Variants in TMEM132B observed in about 807,000 individuals in gnomAD.
TMEM132B encodes the protein transmembrane protein 132B.
TMEM132B carries 18 observed loss-of-function variants against 90.8 expected under a neutral mutation model. The observed-to-expected ratio is 0.20, with a 90% CI of 0.14 to 0.29. TMEM132B has a LOEUF of 0.29. Ranked by LOEUF, TMEM132B falls within the 10% of genes least tolerant of loss-of-function variation. TMEM132B has a pLI of 1.00. For synonymous variants in TMEM132B, 504 were observed against 523.3 expected (o/e 0.96, Z 0.50); for missense variants, 1,096 against 1,326.8 (o/e 0.83, Z 2.70).
At chr12:125,638,810 A>C (rs1193124432) in intron 5 of TMEM132B, among the ~76,000 whole-genome samples, 1 of 152,226 alleles carries the variant, frequency 6.6e-6, no homozygotes, top group Non-Finnish European at 1.5e-5. Flanking sequence ...AAGATACCCA[A>C]AGGAAACATA....
At chr12:125,489,885 G>A (rs1392749494) in intron 3 of TMEM132B, among the ~76,000 whole-genome samples, 2 of 152,172 alleles carry the variant, frequency 1.3e-5, no homozygotes, top group African/African-American at 2.4e-5. Context: ...GTTGGTTCTG[G>A]AACCTTCAGA....
intron 1 of TMEM132B, among the ~76,000 whole-genome samples, chr12:125,299,833 C>T (rs745815572): frequency 8.5e-5 from 13 of 152,212 alleles, no homozygotes; most frequent in African/African-American, 1.9e-4. Flanking sequence ...TCTCCTGGAC[C>T]GGCCTGCGTC....
At chr12:125,294,944 A>G (rs960488303) in intron 1 of TMEM132B, among the ~76,000 whole-genome samples, 1 of 152,246 alleles carries the variant, frequency 6.6e-6, no homozygotes, top group African/African-American at 2.4e-5. Flanking sequence ...TATTGAAACT[A>G]TGCATAAAGA....
At chr12:125,533,796 C>G (rs544724759) in intron 4 of TMEM132B, among the ~76,000 whole-genome samples, 1 of 152,342 alleles carries the variant, frequency 6.6e-6, no homozygotes, top group Middle Eastern at 3.4e-3. Flanking sequence ...TCCTGCAGCC[C>G]GAGCCAGCGC....
chr12:125,242,237 A>G (rs572483797), intron 1 of TMEM132B, among the ~76,000 whole-genome samples: 3 of 152,124 alleles, frequency 2.0e-5, no homozygotes, highest in South Asian at 4.2e-4. Flanking sequence ...TGTAGCCTCA[A>G]CCTCCTGGGC....
chr12:125,228,195 C>A (rs1322864042), intron 1 of TMEM132B, among the ~76,000 whole-genome samples: 2 of 152,102 alleles, frequency 1.3e-5, no homozygotes, highest in Non-Finnish European at 2.9e-5. Flanking sequence ...TTCCGCCTCT[C>A]GGTTTCCGAG....
chr12:125,568,032 C>G (rs186581392), intron 4 of TMEM132B, among the ~76,000 whole-genome samples: 1 of 152,184 alleles, frequency 6.6e-6, no homozygotes, highest in Non-Finnish European at 1.5e-5. Flanking sequence ...CTGACCCTCT[C>G]ATTGTGTCTA....
chr12:125,290,098 G>A (rs1031427771), intron 1 of TMEM132B, among the ~76,000 whole-genome samples: 3 of 152,078 alleles, frequency 2.0e-5, no homozygotes, highest in Non-Finnish European at 4.4e-5. Flanking sequence ...CTACAAAGTC[G>A]GTATGTTTTA....
At chr12:125,353,520 CTT>C (rs1877665193) in intron 2 of TMEM132B, among the ~76,000 whole-genome samples, 1 of 152,230 alleles carries the variant, frequency 6.6e-6, no homozygotes, top group African/African-American at 2.4e-5. Flanking sequence ...TTCATTGAGA[CTT>C]AGAATGGTTC....
At chr12:125,581,714 A>ATT (rs35702958) in intron 4 of TMEM132B, among the ~76,000 whole-genome samples, 64 of 146,812 alleles carry the variant, frequency 4.4e-4, no homozygotes, top group East Asian at 9.9e-4. Flanking sequence ...ACCTGTACTG[A>ATT]TTTTTTTTTT....
intron 5 of TMEM132B, among the ~76,000 whole-genome samples, chr12:125,626,581 G>A (rs1566093373): frequency 1.3e-5 from 2 of 152,020 alleles, no homozygotes; most frequent in African/African-American, 2.4e-5. Context: ...GAACTATAGG[G>A]CAATAGTTAT....
intron 5 of TMEM132B, among the ~76,000 whole-genome samples, chr12:125,627,492 T>A (rs889379382): frequency 6.6e-6 from 1 of 152,106 alleles, no homozygotes; most frequent in African/African-American, 2.4e-5. Flanking sequence ...TCTGTTAATA[T>A]AGTCAGAAGT....
At chr12:125,641,795 G>A (rs559235025) in intron 5 of TMEM132B, among the ~76,000 whole-genome samples, 1 of 152,284 alleles carries the variant, frequency 6.6e-6, no homozygotes, top group African/African-American at 2.4e-5. Flanking sequence ...GTGATTTGAT[G>A]TGTGATTGGG....
intron 5 of TMEM132B, among the ~76,000 whole-genome samples, chr12:125,616,027 T>A (rs997199182): frequency 1.3e-5 from 2 of 152,126 alleles, no homozygotes; most frequent in African/African-American, 4.8e-5. Context: ...CATGCTGGTG[T>A]GCTGCATCCA....
chr12:125,593,054 T>C (rs1885355000), intron 5 of TMEM132B, among the ~76,000 whole-genome samples: 2 of 152,248 alleles, frequency 1.3e-5, no homozygotes, highest in African/African-American at 2.4e-5. Context: ...CAAAAATTTA[T>C]GTAAAAACAC....
chr12:125,354,854 G>A (rs1253750329), intron 2 of TMEM132B, among the ~76,000 whole-genome samples: 1 of 152,134 alleles, frequency 6.6e-6, no homozygotes, highest in Non-Finnish European at 1.5e-5. Flanking sequence ...CTTGTCCCAG[G>A]TTCTGCATTT....
At chr12:125,292,037 C>T (rs1875555162) in intron 1 of TMEM132B, among the ~76,000 whole-genome samples, 1 of 152,226 alleles carries the variant, frequency 6.6e-6, no homozygotes, top group South Asian at 2.1e-4. Flanking sequence ...AGAGTAGTCT[C>T]ACTCATTTGC....
At chr12:125,554,956 G>A (rs1427362466) in intron 4 of TMEM132B, among the ~76,000 whole-genome samples, 29 of 152,180 alleles carry the variant, frequency 1.9e-4, no homozygotes, top group Admixed American at 1.9e-3. Context: ...TGGGGGACAA[G>A]GAGGCAACAC....
In TMEM132B at chr12:125,580,084, ACTTC is replaced by A. The variant is rs1306362073; in HGVS notation, c.1294-3762_1294-3759del. On this transcript the variant is annotated intron_variant, in intron 4 of 8. Transcript: ENST00000682704. ...ATACCTGACACCTGCCTTAGCTTTC[ACTTC>A]CTTCTTCCACAGAGCCTCAAAATCA... 9.9e-5 allele frequency among the ~76,000 whole-genome samples: 15 copies of A among 152,268 alleles called. No homozygotes were observed. The South Asian group carries it at 3.1e-3, about 32-fold the overall frequency.
Sources: gnomAD v4.1 joint callset for allele counts (sites outside exome capture counted in the v4.1 genomes callset) on GRCh38, gnomAD v4.1.1 for gene constraint, MANE v1.5 for transcripts, NCBI Gene and HGNC (gene_info 2026-07-23, HGNC 2026-07-21) for gene names.